Variants in VPS13C observed in about 807,000 individuals in gnomAD.
VPS13C encodes the protein intermembrane lipid transfer protein VPS13C.
A neutral mutation model predicts 456.8 loss-of-function variants in VPS13C; 358 were observed. The observed-to-expected ratio is 0.78, with a 90% CI of 0.72 to 0.86. VPS13C has a LOEUF of 0.86. VPS13C is among the 40% of genes least tolerant of loss of function. The pLI, the probability that VPS13C is intolerant of heterozygous loss-of-function variation, is 0.00. For missense variants in VPS13C, 4,818 were observed against 4,385.4 expected, an observed-to-expected ratio of 1.10 and a Z score of -2.79; for synonymous variants, 1,578 against 1,486.7, an observed-to-expected ratio of 1.06 and a Z score of -1.41.
rs142647268 is a variant in VPS13C, at chr15:62,025,929, G to C, written c.449-2084C>G. ...ATAGGCCATTACATAATAACATACA[G>C]TTATAAAAATAGCTATATTTTTTAA... On this transcript the variant is annotated intron_variant, in intron 6 of 84. Transcript: ENST00000644861. Among the ~76,000 whole-genome samples the C allele has an allele frequency of 4.0e-5, 6 of 151,288 alleles. No individual in the cohort carries two copies. The East Asian group carries it at 1.2e-3, about 29-fold the overall frequency.
chr15:62,023,426 A>C lies in VPS13C; in HGVS notation c.609T>G (p.Ile203Met). 6.6e-7 allele frequency: 1 copy of C among 1,523,658 alleles called. No homozygotes were observed. Among genetic ancestry groups the C allele is most frequent in the Non-Finnish European group, 8.9e-7 (1 of 1,128,432 alleles). The allele number at this position is 1,523,658 out of a possible 1,614,324, so 94.4% of individuals were successfully genotyped here. Residue 203 changes from isoleucine (I) to methionine (M), a missense_variant, in exon 8 of 85, where the codon ATT (isoleucine) becomes ATG (methionine). Ile to Met is a conservative substitution (Grantham distance 10). Around this residue, in one of 3 missense-constraint regions of VPS13C, gnomAD observed 4,552 missense variants for 4,130.6 expected, o/e 1.10. Transcript: ENST00000644861. ...AATTACTTACATCATCTTCATATTT[A>C]ATGTGAATATCTGTGATTTTTACTT... The part of the protein sequence containing the change: ...NVQVKITDIH[I>M]KYEDDVTDPK...
chr15:62,037,436 T>TA (rs1475646782), intron 3 of VPS13C, among the ~76,000 whole-genome samples: 6 of 57,956 alleles, frequency 1.0e-4, no homozygotes, highest in African/African-American at 2.4e-4. Context: ...ATAAATATAA[T>TA]ATATATTAAA....
At chr15:62,015,349 T>G (rs2047194788) in intron 9 of VPS13C, among the ~76,000 whole-genome samples, 2 of 152,260 alleles carry the variant, frequency 1.3e-5, no homozygotes, top group East Asian at 1.9e-4. Flanking sequence ...GCAGAAGCTC[T>G]TGAGTTTAAT....
intron 24 of VPS13C, among the ~76,000 whole-genome samples, chr15:61,976,256 G>A (rs919590624): frequency 1.3e-5 from 2 of 151,946 alleles, no homozygotes; most frequent in Non-Finnish European, 2.9e-5. Context: ...GGGTATCAGT[G>A]AACGACTGAT....
rs1229583583 is a variant in VPS13C, at chr15:61,853,607, T to C, written c.*850A>G. 1 of 152,058 alleles carries C rather than the reference T, an allele frequency of 6.6e-6. No homozygotes were observed. Among genetic ancestry groups the C allele is most frequent in the Non-Finnish European group, 1.5e-5 (1 of 68,006 alleles). The allele number at this position is 152,058 out of a possible 1,614,324, so 9.4% of individuals were successfully genotyped here. The stretch of plus-strand genomic sequence containing the variant: ...AAACAGTGTTTTCATGAAAAGAAAA[T>C]AGAAAACATGTCATTTCTCCCTTTA... On this transcript the variant is annotated 3_prime_UTR_variant, in exon 85 of 85. Coordinates refer to ENST00000644861, the MANE Select transcript of VPS13C (RefSeq NM_020821.3).
chr15:62,059,557 G>A (rs1171115583), intron 1 of VPS13C, among the ~76,000 whole-genome samples: 3 of 152,200 alleles, frequency 2.0e-5, no homozygotes, highest in Non-Finnish European at 4.4e-5. Context: ...AAATTCCTGA[G>A]CATGCAACCA....
intron 78 of VPS13C, 29 bp downstream of exon 78, chr15:61,873,212 TGCAGA>T: frequency 6.2e-7 from 1 of 1,611,222 alleles, no homozygotes; most frequent in Admixed American, 1.7e-5. Flanking sequence ...TTTTTTAAGT[TGCAGA>T]TTTCTTAAAG....
chr15:61,880,617 G>T lies in VPS13C; in HGVS notation c.9994C>A (p.Pro3332Thr). Residue 3332 changes from proline to threonine, a missense_variant, in exon 73 of 85, where the codon CCT becomes ACT. This residue lies in a region of VPS13C where 4,552 missense variants were observed against 4,130.6 expected (regional missense o/e 1.10). Coordinates refer to ENST00000644861, the MANE Select transcript of VPS13C (RefSeq NM_020821.3). ...TAATAATTACAACAAACCTTCACAG[G>T]AGAAATATGGAAATGTTCAAAGAAA... ...LSFFEHFHIS[P>T]VKLHLSLSLG... 6.4e-7 allele frequency: 1 copy of T among 1,561,690 alleles called. No individual in the cohort carries two copies. The highest frequency in any genetic ancestry group is 1.2e-5 in the South Asian group (1 of 82,650).
intron 81 of VPS13C, chr15:61,865,908 T>A (rs1405637932): frequency 4.1e-6 from 4 of 975,312 alleles, no homozygotes; most frequent in Non-Finnish European, 4.9e-6. Flanking sequence ...TACAAAGTAG[T>A]ACTTAGGAGA....
At chr15:61,877,886 C>T (rs918378322) in intron 74 of VPS13C, among the ~76,000 whole-genome samples, 3 of 151,782 alleles carry the variant, frequency 2.0e-5, no homozygotes, top group Non-Finnish European at 4.4e-5. Context: ...GCCATTATAC[C>T]GTTAGAATCT....
At chr15:61,950,256 G>T in intron 41 of VPS13C, 102 bp downstream of exon 41, 2 of 820,314 alleles carry the variant, frequency 2.4e-6, no homozygotes, top group Non-Finnish European at 4.1e-6. Flanking sequence ...TATTGCCACT[G>T]TTATTCTCAC....
rs1567137116 is a variant in VPS13C, at chr15:62,037,341, TA to T, written c.188-2290del. The stretch of plus-strand genomic sequence containing the variant: ...ATTATATATTATATACATTTATATA[TA>T]ATATATTATATATAAATGTATATAA... On this transcript the variant is annotated intron_variant, in intron 3 of 84. Coordinates refer to ENST00000644861, the MANE Select transcript of VPS13C (RefSeq NM_020821.3). 7.2e-4 allele frequency among the ~76,000 whole-genome samples: 65 copies of T among 90,122 alleles called. 11 individuals carry two copies. Among genetic ancestry groups the T allele is most frequent in the Middle Eastern group, 5.7e-3 (1 of 176 alleles). 59.1% of individuals were successfully genotyped at this position (90,122 alleles called of 152,430 possible).
chr15:62,002,753 C>G (rs1033362589), intron 15 of VPS13C, among the ~76,000 whole-genome samples: 1 of 152,118 alleles, frequency 6.6e-6, no homozygotes, highest in African/African-American at 2.4e-5. Context: ...GACAGTTTTC[C>G]CAGCACCATT....
intron 16 of VPS13C, among the ~76,000 whole-genome samples, chr15:61,999,055 C>T (rs542039002): frequency 6.6e-6 from 1 of 152,188 alleles, no homozygotes; most frequent in South Asian, 2.1e-4. Flanking sequence ...TAACAGTAGG[C>T]TATCAGTAGT....
intron 15 of VPS13C, among the ~76,000 whole-genome samples, chr15:62,005,607 T>A (rs1049469328): frequency 2.6e-5 from 4 of 152,178 alleles, no homozygotes; most frequent in Non-Finnish European, 5.9e-5. Flanking sequence ...AGTTTCTTCC[T>A]AGTCTCGATG....
At chr15:62,057,004 C>A (rs889307996) in intron 1 of VPS13C, among the ~76,000 whole-genome samples, 8 of 152,146 alleles carry the variant, frequency 5.3e-5, no homozygotes, top group Non-Finnish European at 1.0e-4. Context: ...TTCGGGGCCA[C>A]TACCGGTCTC....
Position 62,060,400 on chromosome 15 carries a change from G to A in VPS13C, c.-26C>T, listed in dbSNP as rs375196196. 7 of 1,369,932 alleles carry A rather than the reference G, an allele frequency of 5.1e-6. No homozygotes were observed. In the African/African-American group the frequency reaches 7.5e-5, roughly 15 times the overall value. The allele number at this position is 1,369,932 out of a possible 1,614,324, so 84.9% of individuals were successfully genotyped here. On this transcript the variant is annotated 5_prime_UTR_variant, in exon 1 of 85. Transcript: ENST00000644861. ...GGTGGCGCTGAGGCACAAGGAGAGG[G>A]AGGAGCCGGAACCGCCCGGCGCAGC...
chr15:62,041,419 A>C (rs2048237801), intron 2 of VPS13C, 53 bp from the exon 3 acceptor site: 8 of 1,536,818 alleles, frequency 5.2e-6, no homozygotes, highest in Middle Eastern at 3.5e-4. Context: ...AAGCCAACCC[A>C]AAAATCACTT....
chr15:61,894,703 A>C (rs1326883364), intron 66 of VPS13C, among the ~76,000 whole-genome samples: 1 of 152,228 alleles, frequency 6.6e-6, no homozygotes, highest in South Asian at 2.1e-4. Flanking sequence ...TTGTAAATAT[A>C]TGTACCCAAC....
Sources: allele counts gnomAD v4.1 joint callset (sites outside exome capture counted in the v4.1 genomes callset), GRCh38; gene constraint gnomAD v4.1.1; regional missense constraint gnomAD v4.1.1; transcripts MANE v1.5; gene names NCBI Gene and HGNC (gene_info 2026-07-23, HGNC 2026-07-21).